The following C1QTNF7 variants were observed in gnomAD, a reference collection of about 807,000 sequenced individuals.
The protein encoded by C1QTNF7 is C1q and TNF related 7, also known as complement C1q tumor necrosis factor-related protein 7.
A neutral mutation model predicts 19.6 loss-of-function variants in C1QTNF7; 15 were observed. The observed-to-expected ratio is 0.76, with a 90% CI of 0.51 to 1.18. The LOEUF is 1.18. C1QTNF7 is among the 50% of genes most tolerant of loss of function. The pLI is 0.00. For synonymous variants in C1QTNF7, 142 were observed against 137.5 expected (o/e 1.03, Z -0.23); for missense variants, 324 against 359.7 (o/e 0.90, Z 0.80).
intron 1 of C1QTNF7, among the ~76,000 whole-genome samples, chr4:15,347,638 C>A (rs912933088): frequency 6.6e-6 from 1 of 152,092 alleles, no homozygotes; most frequent in Non-Finnish European, 1.5e-5. Flanking sequence ...AGAATCTGAA[C>A]CCTATCTGGA....
intron 1 of C1QTNF7, among the ~76,000 whole-genome samples, chr4:15,395,208 T>A (rs1718740066): frequency 6.6e-6 from 1 of 152,012 alleles, no homozygotes; most frequent in South Asian, 2.1e-4. Flanking sequence ...ATAAGTCTGA[T>A]GGCTTTGGAG....
At chr4:15,421,475 T>C (rs1466383049) in intron 1 of C1QTNF7, among the ~76,000 whole-genome samples, 1 of 152,192 alleles carries the variant, frequency 6.6e-6, no homozygotes, top group Non-Finnish European at 1.5e-5. Flanking sequence ...GGCAGCTATG[T>C]CAGCACTGTT....
chr4:15,374,161 G>T (rs1033021848), intron 1 of C1QTNF7: 6 of 152,188 alleles, frequency 3.9e-5, no homozygotes, highest in African/African-American at 1.4e-4. Context: ...CGGCTCTTAG[G>T]TTCCTGTCCT....
At chr4:15,393,152 CT>C (rs1274504318) in intron 1 of C1QTNF7, among the ~76,000 whole-genome samples, 2 of 152,138 alleles carry the variant, frequency 1.3e-5, no homozygotes, top group Non-Finnish European at 2.9e-5. Flanking sequence ...GCTTGGCCCT[CT>C]TTTCTGTCTT....
At chr4:15,355,752 TCTGGTGGGTTGGA>T (rs1447783401) in intron 1 of C1QTNF7, among the ~76,000 whole-genome samples, 1 of 152,130 alleles carries the variant, frequency 6.6e-6, no homozygotes, top group East Asian at 1.9e-4. Flanking sequence ...TTTGGGGAAG[TCTGGTGGGTTGGA>T]CTGGTGGGTA....
intron 1 of C1QTNF7, among the ~76,000 whole-genome samples, chr4:15,396,391 A>G (rs1217009364): frequency 6.6e-6 from 1 of 152,148 alleles, no homozygotes; most frequent in Non-Finnish European, 1.5e-5. Context: ...GCAGAGCAGG[A>G]GAGCTCCATC....
At chr4:15,353,130 G>A (rs1716991672) in intron 1 of C1QTNF7, among the ~76,000 whole-genome samples, 1 of 152,102 alleles carries the variant, frequency 6.6e-6, no homozygotes, top group African/African-American at 2.4e-5. Context: ...CTGAGACGGG[G>A]GAATGAGCAA....
rs1223809137 is a variant in C1QTNF7 at position 15,444,182 on chromosome 4, G to A, written c.*1383G>A. The A allele has an allele frequency of 6.6e-6, 1 of 151,860 alleles. No homozygotes were observed. Among genetic ancestry groups the A allele is most frequent in the Non-Finnish European group, 1.5e-5 (1 of 68,010 alleles). 9.4% of individuals were successfully genotyped at this position (151,860 alleles called of 1,614,324 possible). A position where few individuals can be genotyped will look rare whatever the true frequency, so the allele number is the denominator to read the frequency against. On this transcript the variant is annotated 3_prime_UTR_variant, in exon 3 of 3. Transcript: ENST00000444304. ...CTATGTATTCCTTTCTCTGCTCATTGACTTATAAATAGTTTTCATACCTCT... is the reference window on the plus strand; with the variant it reads ...CTATGTATTCCTTTCTCTGCTCATTAACTTATAAATAGTTTTCATACCTCT...
At chr4:15,375,902 T>C (rs558163797) in intron 1 of C1QTNF7, among the ~76,000 whole-genome samples, 9 of 152,348 alleles carry the variant, frequency 5.9e-5, no homozygotes, top group South Asian at 4.1e-4. Context: ...CATCCTGTAC[T>C]GTTAAGACGG....
At chr4:15,398,374 C>T (rs1048376247) in intron 1 of C1QTNF7, among the ~76,000 whole-genome samples, 3 of 152,150 alleles carry the variant, frequency 2.0e-5, no homozygotes, top group Admixed American at 1.3e-4. Context: ...ACCACCCCCC[C>T]TCCCTGCCCC....
chr4:15,420,824 G>GTATTTT lies in C1QTNF7; in HGVS notation c.14-14911_14-14910insATTTTT. Among the ~76,000 whole-genome samples, 2 of 51,290 alleles carry GTATTTT rather than the reference G, an allele frequency of 3.9e-5. 1 individual carries two copies. Among genetic ancestry groups the GTATTTT allele is most frequent in the South Asian group, 1.4e-3 (2 of 1,392 alleles). The allele number at this position is 51,290 out of a possible 152,430, so 33.6% of individuals were successfully genotyped here. A position where few individuals can be genotyped will look rare whatever the true frequency, so the allele number is the denominator to read the frequency against. Reference sequence around the variant, plus strand: ...CTCTAGGGTAACATTCCACTGCTTTGTCTTTTTTTTTTTTTTTTTTTTTTT... The same window carrying GTATTTT: ...CTCTAGGGTAACATTCCACTGCTTTGTATTTTTCTTTTTTTTTTTTTTTTTTTTTTT... On this transcript the variant is annotated intron_variant, in intron 1 of 2. Coordinates refer to the C1QTNF7 transcript ENST00000295297.
chr4:15,379,299 G>A (rs1350264755), intron 1 of C1QTNF7, among the ~76,000 whole-genome samples: 1 of 152,114 alleles, frequency 6.6e-6, no homozygotes, highest in Non-Finnish European at 1.5e-5. Flanking sequence ...TGCTTCTTGG[G>A]ATCCGACACA....
chr4:15,393,927 G>A (rs1718681785), intron 1 of C1QTNF7, among the ~76,000 whole-genome samples: 1 of 151,852 alleles, frequency 6.6e-6, no homozygotes, highest in Non-Finnish European at 1.5e-5. Flanking sequence ...TAAGAAACCA[G>A]TAACCATTTC....
At chr4:15,378,633 C>T (rs536339963) in intron 1 of C1QTNF7, among the ~76,000 whole-genome samples, 1 of 152,156 alleles carries the variant, frequency 6.6e-6, no homozygotes. Context: ...AGAACCACCA[C>T]ATGGCAGATT....
intron 1 of C1QTNF7, among the ~76,000 whole-genome samples, chr4:15,366,586 T>C (rs1338532046): frequency 6.6e-6 from 1 of 152,174 alleles, no homozygotes; most frequent in Non-Finnish European, 1.5e-5. Context: ...CTCACTTTTT[T>C]CCCTTCCTCT....
chr4:15,391,692 A>G (rs1384009734), intron 1 of C1QTNF7, among the ~76,000 whole-genome samples: 2 of 152,212 alleles, frequency 1.3e-5, no homozygotes, highest in Non-Finnish European at 2.9e-5. Context: ...AACAATATGT[A>G]TTATTAAAAA....
chr4:15,402,069 C>T (rs1719014882), intron 1 of C1QTNF7, among the ~76,000 whole-genome samples: 1 of 152,140 alleles, frequency 6.6e-6, no homozygotes, highest in South Asian at 2.1e-4. Flanking sequence ...GAAAAATAAG[C>T]AAGATTGGTA....
chr4:15,343,248 C>A (rs1033350736), intron 1 of C1QTNF7, among the ~76,000 whole-genome samples: 1 of 152,156 alleles, frequency 6.6e-6, no homozygotes. Context: ...CATAGACCAA[C>A]GCATGCTGGA....
At chr4:15,427,025 T>C (rs1200655806), upstream of C1QTNF7, among the ~76,000 whole-genome samples, 2 of 152,204 alleles carry the variant, frequency 1.3e-5, no homozygotes, top group Non-Finnish European at 2.9e-5. Flanking sequence ...GTTTTGACCA[T>C]CCTATGATGG....
Sources: allele counts gnomAD v4.1 joint callset (sites outside exome capture counted in the v4.1 genomes callset), GRCh38; gene constraint gnomAD v4.1.1; transcripts MANE v1.5; gene names NCBI Gene and HGNC (gene_info 2026-07-23, HGNC 2026-07-21).